Variants in TMEM132D observed in about 807,000 individuals in gnomAD.
TMEM132D encodes transmembrane protein 132D.
Under a neutral mutation model 62.3 loss-of-function variants are expected in TMEM132D, and 21 were observed. The observed-to-expected ratio is 0.34, with a 90% CI of 0.24 to 0.49. The LOEUF is 0.49. TMEM132D is among the 20% of genes least tolerant of loss of function. The pLI is 0.99. For synonymous variants in TMEM132D, 621 were observed against 575.6 expected (o/e 1.08, Z -1.13); for missense variants, 1,346 against 1,402.8 (o/e 0.96, Z 0.65).
intron 4 of TMEM132D, among the ~76,000 whole-genome samples, chr12:129,328,433 G>C (rs1566035012): frequency 6.6e-6 from 1 of 152,166 alleles, no homozygotes; most frequent in Non-Finnish European, 1.5e-5. Flanking sequence ...AACAGCTAGG[G>C]CTGTAATAAC....
intron 5 of TMEM132D, among the ~76,000 whole-genome samples, chr12:129,157,413 C>T (rs1877279284): frequency 6.6e-6 from 1 of 152,238 alleles, no homozygotes; most frequent in African/African-American, 2.4e-5. Context: ...TCACCTGCCT[C>T]AGTACATTCC....
intron 1 of TMEM132D, among the ~76,000 whole-genome samples, chr12:129,760,908 G>A (rs1229266010): frequency 1.3e-5 from 2 of 151,986 alleles, no homozygotes; most frequent in Non-Finnish European, 2.9e-5. Context: ...CAGAACATGT[G>A]GTGTTTGGTT....
chr12:129,812,879 G>A (rs1872228578), intron 1 of TMEM132D, among the ~76,000 whole-genome samples: 1 of 151,586 alleles, frequency 6.6e-6, no homozygotes. Flanking sequence ...CCTCTCAAAT[G>A]TGTGTCCCTA....
chr12:129,750,175 T>A (rs938195529), intron 1 of TMEM132D, among the ~76,000 whole-genome samples: 3 of 152,086 alleles, frequency 2.0e-5, no homozygotes, highest in African/African-American at 7.2e-5. Context: ...ATGCTCCACC[T>A]CCCAGGTTCA....
In TMEM132D at chr12:129,133,915, C is replaced by T. The variant is rs114111671; in HGVS notation, c.1444-49213G>A. Among the ~76,000 whole-genome samples the T allele has an allele frequency of 3.0e-4, 45 of 152,316 alleles. No individual in the cohort carries two copies. The South Asian group carries it at 5.4e-3, about 18-fold the overall frequency. On this transcript the variant is annotated intron_variant, in intron 5 of 8. Transcript: ENST00000422113. ...GGAGTTGGTACACTGGTAGAATGCA[C>T]GCTTGGAGCTACTGAAGACCATCTC...
intron 1 of TMEM132D, chr12:129,852,198 A>T (rs948405695): frequency 1.3e-5 from 2 of 152,160 alleles, no homozygotes; most frequent in Non-Finnish European, 2.9e-5. Flanking sequence ...GATGCAGAAG[A>T]GTTTACAAGT....
At chr12:129,645,343 A>G (rs1879746683) in intron 2 of TMEM132D, among the ~76,000 whole-genome samples, 1 of 152,104 alleles carries the variant, frequency 6.6e-6, no homozygotes, top group Non-Finnish European at 1.5e-5. Flanking sequence ...GATTCTGGCT[A>G]TGCTCTGAGT....
chr12:129,127,272 C>T (rs180805311), intron 5 of TMEM132D, among the ~76,000 whole-genome samples: 9 of 152,292 alleles, frequency 5.9e-5, no homozygotes, highest in Admixed American at 2.6e-4. Context: ...GAAAGACTAA[C>T]GCACATTGTG....
rs80007582 is a variant in TMEM132D, at chr12:129,126,033, C to A, written c.1444-41331G>T. On this transcript the variant is annotated intron_variant, in intron 5 of 8. Transcript: ENST00000422113. ...GGGCCAGCTATGCCCAACCTGAGCA[C>A]CCCTCTTTTTGAGATAAGGGGCACT... Among the ~76,000 whole-genome samples, 827 of 152,266 alleles carry A rather than the reference C, an allele frequency of 5.4e-3. 28 individuals carry two copies. Among genetic ancestry groups the A allele is most frequent in the East Asian group, 0.034 (177 of 5,174 alleles).
intron 5 of TMEM132D, chr12:129,208,602 A>G (rs1474891611): frequency 6.6e-6 from 1 of 152,196 alleles, no homozygotes; most frequent in Admixed American, 6.5e-5. Context: ...GGTTACACCA[A>G]TTCCTGTCCG....
chr12:129,475,139 G>C (rs554522259), intron 3 of TMEM132D, among the ~76,000 whole-genome samples: 4 of 152,344 alleles, frequency 2.6e-5, no homozygotes, highest in African/African-American at 9.6e-5. Context: ...GTGAGATAGA[G>C]AATAGCTGTA....
intron 7 of TMEM132D, among the ~76,000 whole-genome samples, chr12:129,081,394 G>T (rs560006310): frequency 2.6e-5 from 4 of 152,128 alleles, no homozygotes; most frequent in Non-Finnish European, 5.9e-5. Flanking sequence ...TGCTTCCCAG[G>T]CCCGAGCGAT....
At chr12:129,727,626 T>A (rs1869084620) in intron 1 of TMEM132D, among the ~76,000 whole-genome samples, 1 of 151,814 alleles carries the variant, frequency 6.6e-6, no homozygotes, top group South Asian at 2.1e-4. Context: ...GAAAGAAGAG[T>A]GGGTCTCTCC....
At chr12:129,826,573 T>C (rs535739272) in intron 1 of TMEM132D, among the ~76,000 whole-genome samples, 2 of 152,300 alleles carry the variant, frequency 1.3e-5, no homozygotes, top group African/African-American at 4.8e-5. Flanking sequence ...GAACTCAACT[T>C]TGTACTCATG....
At chr12:129,135,794 T>A (rs1876540263) in intron 5 of TMEM132D, among the ~76,000 whole-genome samples, 1 of 152,200 alleles carries the variant, frequency 6.6e-6, no homozygotes, top group Non-Finnish European at 1.5e-5. Flanking sequence ...CAATCTTTGG[T>A]GTTCCTTGGC....
chr12:129,367,602 T>C (rs1478215105), intron 3 of TMEM132D, among the ~76,000 whole-genome samples: 1 of 151,710 alleles, frequency 6.6e-6, no homozygotes, highest in African/African-American at 2.4e-5. Context: ...ATGGATGGAG[T>C]TGCTTGTGGC....
intron 3 of TMEM132D, among the ~76,000 whole-genome samples, chr12:129,526,473 C>G (rs374823705): frequency 6.6e-6 from 1 of 151,994 alleles, no homozygotes; most frequent in Non-Finnish European, 1.5e-5. Context: ...TTAGTAGAGA[C>G]GGGGTTTCAC....
At chr12:129,223,435 TC>T (rs1239720120) in intron 4 of TMEM132D, among the ~76,000 whole-genome samples, 1 of 152,042 alleles carries the variant, frequency 6.6e-6, no homozygotes, top group Non-Finnish European at 1.5e-5. Context: ...GTAATCGGTA[TC>T]CCCCACAGCA....
At chr12:129,657,728 C>G (rs915833401) in intron 2 of TMEM132D, among the ~76,000 whole-genome samples, 1 of 152,208 alleles carries the variant, frequency 6.6e-6, no homozygotes. Context: ...AGGAAAGCAG[C>G]TGTGGCCAAG....
Sources: allele counts gnomAD v4.1 joint callset (sites outside exome capture counted in the v4.1 genomes callset), GRCh38; gene constraint gnomAD v4.1.1; transcripts MANE v1.5; gene names NCBI Gene and HGNC (gene_info 2026-07-23, HGNC 2026-07-21).